The following SUMF1 variants were observed in gnomAD, a reference collection of about 807,000 sequenced individuals.
SUMF1 encodes the protein formylglycine-generating enzyme.
Under a neutral mutation model 47.6 loss-of-function variants are expected in SUMF1, and 48 were observed. The ratio of observed to expected loss-of-function variants is 1.01; its 90% CI spans 0.80 to 1.28. The LOEUF (loss-of-function observed/expected upper bound fraction) is 1.28, where lower values mean the gene tolerates loss of function less well. SUMF1 is among the 50% of genes most tolerant of loss of function. The pLI is 0.00. For synonymous variants in SUMF1, 230 were observed against 192.1 expected (o/e 1.20, Z -1.63); for missense variants, 571 against 485.4 (o/e 1.18, Z -1.66).
At chr3:4,217,173 A>C (rs1695942914) in intron 8 of SUMF1, among the ~76,000 whole-genome samples, 1 of 152,082 alleles carries the variant, frequency 6.6e-6, no homozygotes, top group Admixed American at 6.6e-5. Flanking sequence ...ACCATGGAAT[A>C]CTATGCAGCC....
At chr3:4,177,133 G>A (rs1694984130) in intron 8 of SUMF1, among the ~76,000 whole-genome samples, 1 of 152,114 alleles carries the variant, frequency 6.6e-6, no homozygotes, top group African/African-American at 2.4e-5. Flanking sequence ...AGATCAGTGG[G>A]ACAGAAGGTT....
intron 6 of SUMF1, among the ~76,000 whole-genome samples, chr3:4,413,006 C>A (rs1575190175): frequency 6.6e-6 from 1 of 151,710 alleles, no homozygotes; most frequent in East Asian, 1.9e-4. Flanking sequence ...ATGTGTGCAT[C>A]AATACTATTT....
chr3:4,159,263 C>T (rs1694520731), intron 8 of SUMF1, among the ~76,000 whole-genome samples: 2 of 123,318 alleles, frequency 1.6e-5, no homozygotes, highest in South Asian at 3.0e-4. Context: ...AGGTGATTTT[C>T]TCTGGTGGTA....
intron 7 of SUMF1, among the ~76,000 whole-genome samples, chr3:4,393,701 G>A (rs2124940658): frequency 6.6e-6 from 1 of 151,678 alleles, no homozygotes; most frequent in Admixed American, 6.6e-5. Context: ...AGAGGATATG[G>A]AATCAGTTCC....
intron 8 of SUMF1, among the ~76,000 whole-genome samples, chr3:4,165,117 T>C (rs1483745917): frequency 2.6e-5 from 4 of 152,110 alleles, no homozygotes; most frequent in Non-Finnish European, 4.4e-5. Flanking sequence ...CAGCTGTCAT[T>C]CTATCATTTA....
At chr3:4,214,074 C>T (rs1172312918) in intron 8 of SUMF1, among the ~76,000 whole-genome samples, 1 of 152,150 alleles carries the variant, frequency 6.6e-6, no homozygotes, top group Non-Finnish European at 1.5e-5. Flanking sequence ...TAGATATCTA[C>T]AGAACTCTCC....
intron 8 of SUMF1, among the ~76,000 whole-genome samples, chr3:4,344,780 C>A (rs941462603): frequency 6.6e-6 from 1 of 151,980 alleles, no homozygotes; most frequent in African/African-American, 2.4e-5. Flanking sequence ...AAGCTAAGAA[C>A]CTTGATAAGA....
chr3:4,313,584 G>A, intron 8 of SUMF1: 1 of 1,614,062 alleles, frequency 6.2e-7, no homozygotes, highest in Non-Finnish European at 8.5e-7. Context: ...TAGATCATGG[G>A]AAACTAAGGA....
chr3:4,175,779 T>A (rs567710648), intron 8 of SUMF1, among the ~76,000 whole-genome samples: 2 of 152,200 alleles, frequency 1.3e-5, no homozygotes, highest in Non-Finnish European at 2.9e-5. Context: ...ACAAGGAAGC[T>A]AAAAGCCTTG....
chr3:4,460,993 C>T (rs1395332380), intron 1 of SUMF1, among the ~76,000 whole-genome samples: 1 of 152,092 alleles, frequency 6.6e-6, no homozygotes, highest in Non-Finnish European at 1.5e-5. Flanking sequence ...TTCCCTAGAA[C>T]CTAGGCTCTT....
intron 1 of SUMF1, among the ~76,000 whole-genome samples, chr3:4,466,475 T>C (rs915386874): frequency 6.6e-6 from 1 of 152,106 alleles, no homozygotes; most frequent in African/African-American, 2.4e-5. Context: ...AGATAAATAA[T>C]AGCAATAAAA....
At chr3:4,038,590 T>A (rs1479058095) in intron 9 of SUMF1, among the ~76,000 whole-genome samples, 1 of 152,114 alleles carries the variant, frequency 6.6e-6, no homozygotes, top group East Asian at 1.9e-4. Context: ...AGCTTGGGGC[T>A]CCACTTGCTG....
chr3:4,303,355 T>C (rs201470952), intron 8 of SUMF1: 3 of 1,538,966 alleles, frequency 1.9e-6, no homozygotes, highest in East Asian at 5.5e-5. Flanking sequence ...TAGTGGGCGT[T>C]GCGTGAGGCG....
At chr3:4,340,536 C>T (rs1454818640) in intron 8 of SUMF1, among the ~76,000 whole-genome samples, 1 of 152,166 alleles carries the variant, frequency 6.6e-6, no homozygotes, top group East Asian at 1.9e-4. Flanking sequence ...AGAGAAGTGA[C>T]TTGCGATGGG....
intron 8 of SUMF1, among the ~76,000 whole-genome samples, chr3:4,250,248 G>T (rs1487946885): frequency 6.8e-6 from 1 of 146,516 alleles, no homozygotes; most frequent in Non-Finnish European, 1.5e-5. Flanking sequence ...GTGAGGGAGA[G>T]GGAAAGGAAA....
rs138438843 is a variant in SUMF1 at position 4,034,644 on chromosome 3, G to T, written c.1191+33925C>A. On this transcript the variant is annotated intron_variant and NMD_transcript_variant, in intron 9 of 12. Transcript: ENST00000448413. The stretch of plus-strand genomic sequence containing the variant: ...TAGAGACTTACATGGGTATCCAGAG[G>T]TAAGTCAGGAGGCATCAGCAAATAT... 2.2e-3 allele frequency among the ~76,000 whole-genome samples: 336 copies of T among 152,180 alleles called. 2 individuals carry two copies. Among genetic ancestry groups the T allele is most frequent in the African/African-American group, 7.7e-3 (320 of 41,516 alleles).
intron 8 of SUMF1, chr3:4,316,447 C>G (rs1348094739): frequency 4.4e-6 from 7 of 1,601,164 alleles, no homozygotes; most frequent in Non-Finnish European, 6.0e-6. Context: ...CAGTTGAGAG[C>G]AATCATCGAA....
intron 8 of SUMF1, among the ~76,000 whole-genome samples, chr3:4,249,526 T>A (rs1696745903): frequency 6.6e-6 from 1 of 152,176 alleles, no homozygotes; most frequent in Non-Finnish European, 1.5e-5. Flanking sequence ...GCACCACAAA[T>A]CACGTCCATA....
At chr3:4,386,182 G>T (rs547452784) in intron 7 of SUMF1, among the ~76,000 whole-genome samples, 1 of 152,218 alleles carries the variant, frequency 6.6e-6, no homozygotes, top group African/African-American at 2.4e-5. Context: ...CTGGGATTTT[G>T]ATAGGAATTA....
Sources: allele counts gnomAD v4.1 joint callset (sites outside exome capture counted in the v4.1 genomes callset), GRCh38; gene constraint gnomAD v4.1.1; transcripts MANE v1.5; gene names NCBI Gene and HGNC (gene_info 2026-07-23, HGNC 2026-07-21).